USP13: variants seen among roughly 807,000 people sequenced by gnomAD.
USP13 encodes the protein ubiquitin specific peptidase 13.
USP13 carries 68 observed loss-of-function variants against 107.8 expected under a neutral mutation model. The ratio of observed to expected loss-of-function variants is 0.63; its 90% confidence interval spans 0.52 to 0.77. The LOEUF is 0.77. Ranked by LOEUF, USP13 falls within the 30% of genes least tolerant of loss-of-function variation. The pLI is 0.00. For missense variants in USP13, 945 were observed against 1,093.3 expected (o/e 0.86, Z 1.91); for synonymous variants, 377 against 389.5 (o/e 0.97, Z 0.38).
At chr3:179,711,038 A>G (rs989055620) in intron 6 of USP13, among the ~76,000 whole-genome samples, 2 of 152,192 alleles carry the variant, frequency 1.3e-5, no homozygotes, top group African/African-American at 2.4e-5. Flanking sequence ...ACTACTGCAG[A>G]CTATAAACAC....
chr3:179,719,678 T>G (rs1476553526), intron 6 of USP13, among the ~76,000 whole-genome samples: 2 of 152,242 alleles, frequency 1.3e-5, no homozygotes, highest in African/African-American at 4.8e-5. Flanking sequence ...CTGTTCTTTT[T>G]TGTTGCTTTT....
chr3:179,741,203 G>GTTTGTTTGTTTGTT (rs1362930383), intron 11 of USP13, among the ~76,000 whole-genome samples: 2 of 151,652 alleles, frequency 1.3e-5, no homozygotes, highest in Admixed American at 1.3e-4. Context: ...TTGTTTGTTT[G>GTTTGTTTGTTTGTT]TTTGTTTGTT....
Position 179,787,879 on chromosome 3 carries a change from C to T in USP13, c.*3738C>T, listed in dbSNP as rs1164696114. On this transcript the variant is annotated 3_prime_UTR_variant, in exon 21 of 21. Coordinates refer to ENST00000263966, the MANE Select transcript of USP13 (RefSeq NM_003940.3). ...AAAGTGCTGGGATTACACGCATGAG[C>T]TACCGCGTCCAGCCCCACTTTTTTT... The T allele has an allele frequency of 6.6e-6, 1 of 152,358 alleles. No homozygotes were observed. Among genetic ancestry groups the T allele is most frequent in the East Asian group, 1.9e-4 (1 of 5,184 alleles). The allele number at this position is 152,358 out of a possible 1,614,324, so 9.4% of individuals were successfully genotyped here.
intron 12 of USP13, among the ~76,000 whole-genome samples, chr3:179,743,133 C>T (rs1714259827): frequency 6.6e-6 from 1 of 152,128 alleles, no homozygotes; most frequent in African/African-American, 2.4e-5. Flanking sequence ...AGCCCTCATC[C>T]TCAGCAAACT....
At chr3:179,766,562 G>A (rs957030957) in intron 19 of USP13, among the ~76,000 whole-genome samples, 1 of 152,108 alleles carries the variant, frequency 6.6e-6, no homozygotes, top group Non-Finnish European at 1.5e-5. Context: ...ATCCTGAAGG[G>A]GTGTCTCAGG....
At chr3:179,701,171 CTG>C (rs1712505229) in intron 4 of USP13, 42 bp downstream of exon 4, 2 of 1,298,890 alleles carry the variant, frequency 1.5e-6, no homozygotes, top group Non-Finnish European at 2.0e-6. Context: ...GCGCATGGCT[CTG>C]TGTCAGGTGT....
intron 19 of USP13, among the ~76,000 whole-genome samples, chr3:179,781,113 T>C (rs1317569388): frequency 6.6e-6 from 1 of 152,196 alleles, no homozygotes; most frequent in Admixed American, 6.5e-5. Context: ...AACATTGGTC[T>C]CATCCTCTCA....
At chr3:179,671,475 C>T (rs2108443964) in intron 1 of USP13, among the ~76,000 whole-genome samples, 1 of 152,206 alleles carries the variant, frequency 6.6e-6, no homozygotes, top group Non-Finnish European at 1.5e-5. Flanking sequence ...ATTGTCTCCC[C>T]ATGCTGAGAT....
Position 179,653,538 on chromosome 3 carries a change from C to G in USP13, c.168+145C>G. On this transcript the variant is annotated intron_variant, in intron 1 of 20. Transcript: ENST00000263966. The surrounding 1 kb of genome is among the most constrained non-coding windows in gnomAD (Gnocchi z 4.0). ...CTCAGGAACACTGCAGTTCGGCAGA[C>G]ACTTAGTGAGCGCCCCAGGGCTGCT... The G allele has an allele frequency of 8.4e-7, 1 of 1,188,596 alleles. No individual in the cohort carries two copies. Among genetic ancestry groups the G allele is most frequent in the South Asian group, 1.6e-5 (1 of 63,584 alleles). The allele number at this position is 1,188,596 out of a possible 1,614,324, so 73.6% of individuals were successfully genotyped here.
chr3:179,745,826 T>C (rs967634708), intron 13 of USP13, among the ~76,000 whole-genome samples: 1 of 152,180 alleles, frequency 6.6e-6, no homozygotes, highest in African/African-American at 2.4e-5. Flanking sequence ...TGAGCATTGT[T>C]GAAACGAGCC....
At position 179,764,013 on chromosome 3, in the gene USP13, C is replaced by T; in HGVS notation, c.2104C>T (p.Pro702Ser). The T allele has an allele frequency of 6.2e-7, 1 of 1,611,036 alleles. No individual in the cohort carries two copies. The highest frequency in any genetic ancestry group is 8.5e-7 in the Non-Finnish European group (1 of 1,179,042). ...VHMEEPDFAEPLTMPGYGGAA... is the reference protein window; with the variant it reads ...VHMEEPDFAESLTMPGYGGAA... ...GTTATTTTTCTCAGATTTTGCTGAG[C>T]CGCTGACCATGCCTGGTTATGGAGG... Residue 702 changes from proline (P) to serine (S), a missense_variant, in exon 18 of 21, where the codon CCG (proline) becomes TCG (serine). Pro to Ser is a moderately conservative substitution (Grantham distance 74). Coordinates refer to ENST00000263966, the MANE Select transcript of USP13 (RefSeq NM_003940.3).
intron 19 of USP13, among the ~76,000 whole-genome samples, chr3:179,777,478 A>C (rs1407537926): frequency 1.5e-5 from 2 of 133,084 alleles, no homozygotes; most frequent in Non-Finnish European, 3.1e-5. Context: ...TTTGAGACAG[A>C]GTCTCATTCT....
chr3:179,663,584 C>T (rs1477569008), intron 1 of USP13, among the ~76,000 whole-genome samples: 1 of 152,200 alleles, frequency 6.6e-6, no homozygotes, highest in Non-Finnish European at 1.5e-5. Context: ...TAACAACCAC[C>T]TTACTTTCCC....
chr3:179,770,601 A>T (rs1043513521), intron 19 of USP13, among the ~76,000 whole-genome samples: 4 of 148,434 alleles, frequency 2.7e-5, no homozygotes, highest in African/African-American at 5.2e-5. Flanking sequence ...GAGGTATATG[A>T]CTTGAGAATT....
Position 179,678,965 on chromosome 3 carries a change from T to A in USP13, c.169-2913T>A, listed in dbSNP as rs1196798759. Among the ~76,000 whole-genome samples, 8 of 152,234 alleles carry A rather than the reference T, an allele frequency of 5.3e-5. No individual in the cohort carries two copies. The East Asian group carries it at 1.5e-3, about 29-fold the overall frequency. The stretch of plus-strand genomic sequence containing the variant: ...GACCACTTTACTTCTTTCTTTGTGA[T>A]CTTTATACCTTTTATTTATTTATTT... On this transcript the variant is annotated intron_variant, in intron 1 of 20. Coordinates refer to ENST00000263966, the MANE Select transcript of USP13 (RefSeq NM_003940.3). This position sits in a 1 kb window ranked among gnomAD's most constrained non-coding sequence, Gnocchi z 4.2.
At position 179,742,426 on chromosome 3, in the gene USP13, A is replaced by G. The variant is rs1714238591; in HGVS notation, c.1534+76A>G. Reference sequence around the variant, plus strand: ...ACCCTCAAATCAGAGAGAATGGTTTAGTCACTGAAGTGTGTCAGGAGTAGA... The same window carrying G: ...ACCCTCAAATCAGAGAGAATGGTTTGGTCACTGAAGTGTGTCAGGAGTAGA... On this transcript the variant is annotated intron_variant, in intron 12 of 20. Transcript: ENST00000263966. The surrounding 1 kb of genome is among the most constrained non-coding windows in gnomAD (Gnocchi z 5.0). The G allele has an allele frequency of 6.4e-7, 1 of 1,572,922 alleles. No homozygotes were observed.
At position 179,785,520 on chromosome 3, in the gene USP13, C is replaced by T. The variant is rs745663312; in HGVS notation, c.*1379C>T. The T allele has an allele frequency of 6.6e-6, 1 of 152,166 alleles. No individual in the cohort carries two copies. The highest frequency in any genetic ancestry group is 1.5e-5 in the Non-Finnish European group (1 of 68,028). 9.4% of individuals were successfully genotyped at this position (152,166 alleles called of 1,614,324 possible). A position where few individuals can be genotyped will look rare whatever the true frequency, so the allele number is the denominator to read the frequency against. On this transcript the variant is annotated 3_prime_UTR_variant, in exon 21 of 21. Coordinates refer to ENST00000263966, the MANE Select transcript of USP13 (RefSeq NM_003940.3). ...TGGTCCGTACCAAATTCTAGAGTCTCTGGAGTTGCTATTTCAGAGTATTTG... is the reference window on the plus strand; with the variant it reads ...TGGTCCGTACCAAATTCTAGAGTCTTTGGAGTTGCTATTTCAGAGTATTTG...
intron 10 of USP13, among the ~76,000 whole-genome samples, chr3:179,735,520 A>G (rs563083574): frequency 5.3e-4 from 80 of 152,168 alleles, no homozygotes; most frequent in African/African-American, 1.9e-3. Context: ...AGCTTCAATA[A>G]TCATCCTGCA....
chr3:179,721,469 C>G lies in USP13; in HGVS notation c.968C>G (p.Ser323Trp). The G allele has an allele frequency of 6.2e-7, 1 of 1,614,146 alleles. No individual in the cohort carries two copies. ...RVSEWEVIQE[S>W]GTKLKPMYGP... ...AGTGAGTGGGAAGTGATCCAGGAGT[C>G]GGGCACGAAACTGAAGCCAATGTAT... Residue 323 changes from serine (S) to tryptophan (W), a missense_variant, in exon 8 of 21, where the codon TCG (serine) becomes TGG (tryptophan). By Grantham distance (177) the Ser-to-Trp change is radical. Transcript: ENST00000263966. This position sits in a 1 kb window ranked among gnomAD's most constrained non-coding sequence, Gnocchi z 4.3.
Sources: gnomAD v4.1 joint callset for allele counts (sites outside exome capture counted in the v4.1 genomes callset) on GRCh38, gnomAD v4.1.1 for gene constraint, Gnocchi (gnomAD v3.1) non-coding constraint, MANE v1.5 for transcripts, NCBI Gene and HGNC (gene_info 2026-07-23, HGNC 2026-07-21) for gene names.